The following RAPGEF5 variants were observed in gnomAD, a reference collection of about 807,000 sequenced individuals.
The protein encoded by RAPGEF5 is Rap guanine nucleotide exchange factor 5, also known as M-Ras-regulated GEF.
In RAPGEF5, 65 loss-of-function variants were observed where a neutral mutation model predicts 125.2. The ratio of observed to expected loss-of-function variants is 0.52; its 90% CI spans 0.43 to 0.64. The LOEUF is 0.64. RAPGEF5 is among the 30% of genes least tolerant of loss of function. The pLI is 0.00. For synonymous variants in RAPGEF5, 391 were observed against 385.9 expected, an observed-to-expected ratio of 1.01 and a Z score of -0.16; for missense variants, 958 against 1,048.1, an observed-to-expected ratio of 0.91 and a Z score of 1.19.
chr7:22,343,883 C>T (rs150718701), intron 1 of RAPGEF5, among the ~76,000 whole-genome samples: 42 of 151,822 alleles, frequency 2.8e-4, no homozygotes, highest in Non-Finnish European at 5.0e-4. Flanking sequence ...TATAAGCTGA[C>T]GATGCTGAGG....
chr7:22,176,756 C>T (rs1239916569), intron 11 of RAPGEF5, among the ~76,000 whole-genome samples: 1 of 152,128 alleles, frequency 6.6e-6, no homozygotes, highest in Non-Finnish European at 1.5e-5. Context: ...GTCCCAAACT[C>T]CTGACCTCAA....
rs1786040529 is a variant in RAPGEF5 at position 22,230,917 on chromosome 7, T to C, written c.799A>G (p.Ile267Val). The change falls in exon 8 of 26, where the codon ATT becomes GTT. Residue 267 changes from isoleucine to valine, a missense_variant and splice_region_variant. By Grantham distance (29) the Ile-to-Val change is conservative. Transcript: ENST00000665637. Reference protein sequence around the residue: ...VIALKARKSAIEQDEENNDKH... With the variant: ...VIALKARKSAVEQDEENNDKH... ...TCGTTGTTTTCTTCATCTTGTTCAA[T>C]TGCTTAAAAAAAAGAACACCATTAA... 1.9e-6 allele frequency: 3 copies of C among 1,557,438 alleles called. No homozygotes were observed. The highest frequency in any genetic ancestry group is 2.4e-5 in the East Asian group (1 of 42,150).
intron 11 of RAPGEF5, among the ~76,000 whole-genome samples, chr7:22,177,185 T>C (rs1335514175): frequency 2.0e-5 from 3 of 152,152 alleles, no homozygotes; most frequent in Admixed American, 2.0e-4. Flanking sequence ...AGCTTGGGAA[T>C]CTGATTGGTG....
rs1282027090 is a variant in RAPGEF5 at position 22,280,805 on chromosome 7, T to C, written c.747+10370A>G. Among the ~76,000 whole-genome samples the C allele has an allele frequency of 2.0e-5, 3 of 152,324 alleles. No individual in the cohort carries two copies. The East Asian group carries it at 5.8e-4, about 29-fold the overall frequency. Reference sequence around the variant, plus strand: ...GGAATGTTTCTCTTACATCCTGAGCTGATGCTGCAGTATGAGTTTAATCTC... The same window carrying C: ...GGAATGTTTCTCTTACATCCTGAGCCGATGCTGCAGTATGAGTTTAATCTC... On this transcript the variant is annotated intron_variant, in intron 6 of 25. Transcript: ENST00000665637.
chr7:22,343,924 A>G (rs1329482218), intron 1 of RAPGEF5, among the ~76,000 whole-genome samples: 1 of 152,144 alleles, frequency 6.6e-6, no homozygotes, highest in Non-Finnish European at 1.5e-5. Context: ...GCAGGGGCAG[A>G]AAAAACATTG....
intron 23 of RAPGEF5, among the ~76,000 whole-genome samples, chr7:22,134,010 T>G (rs886725714): frequency 2.6e-5 from 4 of 152,202 alleles, no homozygotes; most frequent in Admixed American, 2.6e-4. Context: ...GGTCCCATTT[T>G]TCTAATTAAA....
chr7:22,214,650 A>C (rs1785590452), intron 9 of RAPGEF5, among the ~76,000 whole-genome samples: 1 of 152,136 alleles, frequency 6.6e-6, no homozygotes. Flanking sequence ...CTAAGTTACG[A>C]CTGGGCAAGC....
Position 22,145,126 on chromosome 7 carries a change from A to C in RAPGEF5, c.2104T>G (p.Trp702Gly), listed in dbSNP as rs2128105366. 6.2e-7 allele frequency: 1 copy of C among 1,613,878 alleles called. No individual in the cohort carries two copies. The highest frequency in any genetic ancestry group is 2.2e-5 in the East Asian group (1 of 44,858). Residue 702 changes from tryptophan (W) to glycine (G), a missense_variant, in exon 20 of 26, where the codon TGG becomes GGG. By Grantham distance (184) the Trp-to-Gly change is radical. Transcript: ENST00000665637. ...LLQRCNEVQL[W>G]VATEILLCSQ... ...CAGAGCAGAATCTCCGTGGCCACCC[A>C]AAGCTGGACCTCATTGCATCTCTGG...
chr7:22,350,628 C>T (rs1344167888), intron 1 of RAPGEF5, among the ~76,000 whole-genome samples: 2 of 152,196 alleles, frequency 1.3e-5, no homozygotes, highest in African/African-American at 4.8e-5. Context: ...TTCAAACCCA[C>T]TCTGAAGCCA....
intron 1 of RAPGEF5, among the ~76,000 whole-genome samples, chr7:22,349,294 G>A (rs1562541393): frequency 1.3e-5 from 2 of 151,426 alleles, no homozygotes; most frequent in East Asian, 3.9e-4. Context: ...CATGGTAGTG[G>A]ATGCCTGTAA....
At chr7:22,209,646 G>T (rs1785466882) in intron 9 of RAPGEF5, among the ~76,000 whole-genome samples, 1 of 152,094 alleles carries the variant, frequency 6.6e-6, no homozygotes, top group Admixed American at 6.6e-5. Flanking sequence ...TGGCCAAATT[G>T]TTTGTGCCCA....
intron 11 of RAPGEF5, chr7:22,191,673 C>T: frequency 2.1e-6 from 1 of 471,022 alleles, no homozygotes; most frequent in Non-Finnish European, 4.4e-6. Flanking sequence ...AGTCACTAGA[C>T]AGGATGCAAA....
At chr7:22,226,126 T>C (rs572665816) in intron 8 of RAPGEF5, among the ~76,000 whole-genome samples, 1 of 152,094 alleles carries the variant, frequency 6.6e-6, no homozygotes, top group Non-Finnish European at 1.5e-5. Context: ...AACACCTAGG[T>C]AAAACATGCT....
chr7:22,294,730 C>A (rs1345431646), intron 5 of RAPGEF5, among the ~76,000 whole-genome samples: 1 of 152,106 alleles, frequency 6.6e-6, no homozygotes, highest in Non-Finnish European at 1.5e-5. Flanking sequence ...CTCACCTGAC[C>A]ACGTCTCACC....
At chr7:22,315,295 G>C in intron 3 of RAPGEF5, 75 bp downstream of exon 3, 1 of 1,486,010 alleles carries the variant, frequency 6.7e-7, no homozygotes, top group Admixed American at 2.1e-5. Flanking sequence ...CTTTGATCAA[G>C]GTTACAATTT....
At chr7:22,220,054 C>G in intron 8 of RAPGEF5, 63 bp from the exon 9 acceptor site, 1 of 1,562,406 alleles carries the variant, frequency 6.4e-7, no homozygotes, top group Non-Finnish European at 8.8e-7. Flanking sequence ...ATGACACCAC[C>G]GCAAAGTTCA....
intron 24 of RAPGEF5, among the ~76,000 whole-genome samples, chr7:22,127,129 C>T (rs1782773906): frequency 6.6e-6 from 1 of 151,094 alleles, no homozygotes; most frequent in South Asian, 2.1e-4. Context: ...CCCTCTACTC[C>T]CCAGGTTCAA....
At chr7:22,279,626 A>G (rs904023323) in intron 6 of RAPGEF5, among the ~76,000 whole-genome samples, 1 of 152,186 alleles carries the variant, frequency 6.6e-6, no homozygotes, top group Non-Finnish European at 1.5e-5. Flanking sequence ...AAAATTCTGT[A>G]AAACCATGTC....
intron 20 of RAPGEF5, among the ~76,000 whole-genome samples, chr7:22,140,421 C>G (rs1235771640): frequency 2.0e-5 from 3 of 152,148 alleles, no homozygotes; most frequent in African/African-American, 7.2e-5. Flanking sequence ...CTTTTAAATT[C>G]ATGTTTCTTT....
Sources: allele counts gnomAD v4.1 joint callset (sites outside exome capture counted in the v4.1 genomes callset), GRCh38; gene constraint gnomAD v4.1.1; transcripts MANE v1.5; gene names NCBI Gene and HGNC (gene_info 2026-07-23, HGNC 2026-07-21).